POU2AF2: variants seen among roughly 807,000 people sequenced by gnomAD.
POU2AF2 encodes the protein POU domain class 2-associating factor 2.
chr11:111,280,830 C>G, the POU2AF2 span, among the ~76,000 whole-genome samples: 1 of 152,158 alleles, frequency 6.6e-6, no homozygotes, highest in Admixed American at 6.5e-5. Context: ...ATGGTAAGAA[C>G]AAATCTTTTG....
chr11:111,269,372 TAG>T, the POU2AF2 span, among the ~76,000 whole-genome samples: 1 of 152,162 alleles, frequency 6.6e-6, no homozygotes, highest in East Asian at 1.9e-4. Flanking sequence ...CTGCCCTGTT[TAG>T]AGATCTGAAC....
the POU2AF2 span, among the ~76,000 whole-genome samples, chr11:111,269,254 A>G: frequency 2.0e-5 from 3 of 152,220 alleles, no homozygotes; most frequent in African/African-American, 7.2e-5. Context: ...TCAAAACACC[A>G]ATGTTTGAAT....
chr11:111,257,946 C>T, the POU2AF2 span, among the ~76,000 whole-genome samples: 5 of 152,060 alleles, frequency 3.3e-5, no homozygotes, highest in African/African-American at 9.7e-5. Context: ...GGTGAAACCA[C>T]ATCTCTACTA....
the POU2AF2 span, among the ~76,000 whole-genome samples, chr11:111,271,069 TCTC>T: frequency 6.6e-6 from 1 of 152,196 alleles, no homozygotes; most frequent in Non-Finnish European, 1.5e-5. Context: ...ATGCCTGTAA[TCTC>T]AGCACTTTGG....
the POU2AF2 span, chr11:111,245,777 C>A: frequency 2.5e-6 from 1 of 398,746 alleles, no homozygotes; most frequent in South Asian, 1.3e-4. Context: ...GACCAGGACC[C>A]CTTACCAAGG....
the POU2AF2 span, among the ~76,000 whole-genome samples, chr11:111,266,367 CT>C: frequency 6.6e-6 from 1 of 152,140 alleles, no homozygotes; most frequent in Non-Finnish European, 1.5e-5. Flanking sequence ...ACTGGCACCC[CT>C]ACCCCCAACA....
At chr11:111,280,517 C>T in the POU2AF2 span, among the ~76,000 whole-genome samples, 290 of 152,278 alleles carry the variant, frequency 1.9e-3, no homozygotes, top group African/African-American at 6.7e-3. Context: ...CATTCAGTCC[C>T]ACTCTGTGCT....
the POU2AF2 span, among the ~76,000 whole-genome samples, chr11:111,276,868 C>T: frequency 0.27 from 40,807 of 151,776 alleles, 5,771 homozygotes; most frequent in Admixed American, 0.34. Flanking sequence ...TTACTGTCAA[C>T]ACCACTGACA....
At chr11:111,255,084 T>C in the POU2AF2 span, among the ~76,000 whole-genome samples, 1 of 152,224 alleles carries the variant, frequency 6.6e-6, no homozygotes, top group Admixed American at 6.5e-5. Context: ...CTAGAAGCAA[T>C]GCTGTCAATT....
At chr11:111,280,787 G>GA in the POU2AF2 span, among the ~76,000 whole-genome samples, 1 of 152,014 alleles carries the variant, frequency 6.6e-6, no homozygotes, top group Non-Finnish European at 1.5e-5. Context: ...AATAAGGAAA[G>GA]AAAAAAAATG....
chr11:111,268,492 A>AT, the POU2AF2 span, among the ~76,000 whole-genome samples: 1 of 30,746 alleles, frequency 3.3e-5, no homozygotes, highest in Non-Finnish European at 9.6e-5. Context: ...ATTTTATTTT[A>AT]TTTTATTTTA....
chr11:111,275,386 G>C, the POU2AF2 span, among the ~76,000 whole-genome samples: 10 of 152,254 alleles, frequency 6.6e-5, no homozygotes, highest in East Asian at 1.9e-3. Flanking sequence ...TGATGAGAAG[G>C]TGATCATTCC....
the POU2AF2 span, chr11:111,286,228 TAAAAC>T: frequency 1.5e-6 from 1 of 648,156 alleles, no homozygotes; most frequent in Non-Finnish European, 2.5e-6. Context: ...CCCACTGAAA[TAAAAC>T]AGAATGTTAA....
chr11:111,275,773 C>G, the POU2AF2 span, among the ~76,000 whole-genome samples: 1 of 152,022 alleles, frequency 6.6e-6, no homozygotes, highest in African/African-American at 2.4e-5. Flanking sequence ...GAGCACTCAA[C>G]AAGAGGCTGT....
At chr11:111,254,290 G>A in the POU2AF2 span, among the ~76,000 whole-genome samples, 1 of 152,188 alleles carries the variant, frequency 6.6e-6, no homozygotes, top group African/African-American at 2.4e-5. Context: ...TAGCATATAT[G>A]GACCAAATCC....
At chr11:111,257,361 CTT>C in the POU2AF2 span, among the ~76,000 whole-genome samples, 42 of 141,586 alleles carry the variant, frequency 3.0e-4, no homozygotes, top group Non-Finnish European at 2.5e-4. Flanking sequence ...TTTATGTTAT[CTT>C]TTTTTTTTTT....
chr11:111,263,427 C>CTTT, the POU2AF2 span, among the ~76,000 whole-genome samples: 726 of 96,094 alleles, frequency 7.6e-3, 6 homozygotes, highest in East Asian at 0.017. Flanking sequence ...TACTGAAGTT[C>CTTT]TTTTTTTTTT....
the POU2AF2 span, among the ~76,000 whole-genome samples, chr11:111,249,404 G>A: frequency 1.3e-5 from 2 of 152,186 alleles, no homozygotes; most frequent in Non-Finnish European, 2.9e-5. Flanking sequence ...TAAAGAATTT[G>A]TACCAGTTTC....
At chr11:111,277,359 G>A in the POU2AF2 span, among the ~76,000 whole-genome samples, 5 of 152,180 alleles carry the variant, frequency 3.3e-5, no homozygotes, top group Admixed American at 2.0e-4. Flanking sequence ...GGCTGGGGAG[G>A]AGTCGGTACT....
Sources: allele counts gnomAD v4.1 joint callset (sites outside exome capture counted in the v4.1 genomes callset), GRCh38; gene constraint gnomAD v4.1.1; transcripts MANE v1.5; gene names NCBI Gene and HGNC (gene_info 2026-07-23, HGNC 2026-07-21).